RAB3GAP1: variants seen among roughly 807,000 people sequenced by gnomAD.
RAB3GAP1 encodes RAB3 GTPase activating protein catalytic subunit 1, also known as rab3 GTPase-activating protein catalytic subunit.
In RAB3GAP1, 86 loss-of-function variants were observed where a neutral mutation model predicts 130.7. That is an observed-to-expected ratio of 0.66 (90% CI 0.55 to 0.79). The LOEUF is 0.79. Ranked by LOEUF, RAB3GAP1 falls within the 30% of genes least tolerant of loss-of-function variation. The pLI is 0.00. For missense variants in RAB3GAP1, 1,029 were observed against 1,169.4 expected (o/e 0.88, Z 1.75); for synonymous variants, 367 against 401.7 (o/e 0.91, Z 1.03).
chr2:135,168,834 A>AGGGAGGGAAGGTACCAGGGAGAACCT lies in RAB3GAP1; in HGVS notation c.*60_*85dup. The AGGGAGGGAAGGTACCAGGGAGAACCT allele has an allele frequency of 6.7e-7, 1 of 1,494,892 alleles. No homozygotes were observed. Among genetic ancestry groups the AGGGAGGGAAGGTACCAGGGAGAACCT allele is most frequent in the South Asian group, 1.1e-5 (1 of 88,468 alleles). 92.6% of individuals were successfully genotyped at this position (1,494,892 alleles called of 1,614,324 possible). On this transcript the variant is annotated 3_prime_UTR_variant, in exon 24 of 24. Transcript: ENST00000264158. ...TCAGAGACAGTGCTGCCTCCTCCTG[A>AGGGAGGGAAGGTACCAGGGAGAACCT]GGGAGGGAAGGTACCAGGGAGAACC...
chr2:135,155,451 A>G (rs886995124), intron 19 of RAB3GAP1, among the ~76,000 whole-genome samples: 1 of 152,144 alleles, frequency 6.6e-6, no homozygotes, highest in Admixed American at 6.6e-5. Flanking sequence ...GAATACTAAG[A>G]CAGAACTAAT....
At chr2:135,090,585 TA>T (rs112252561) in intron 3 of RAB3GAP1, among the ~76,000 whole-genome samples, 22,778 of 152,180 alleles carry the variant, frequency 0.15, 3,205 homozygotes, top group African/African-American at 0.37. Context: ...CAAAGCTTGA[TA>T]AAAGAAGCAG....
chr2:135,127,522 T>C (rs1691390000), intron 11 of RAB3GAP1, among the ~76,000 whole-genome samples: 1 of 151,900 alleles, frequency 6.6e-6, no homozygotes, highest in Non-Finnish European at 1.5e-5. Context: ...TTTTGTGTTT[T>C]TAGTAGAGAC....
At chr2:135,058,183 T>C in intron 3 of RAB3GAP1, 97 bp downstream of exon 3, 1 of 1,049,572 alleles carries the variant, frequency 9.5e-7, no homozygotes, top group South Asian at 1.3e-5. Context: ...ATTAAATGTT[T>C]TTTAAAGTTA....
chr2:135,071,314 A>G (rs1439238192), intron 3 of RAB3GAP1, among the ~76,000 whole-genome samples: 1 of 152,168 alleles, frequency 6.6e-6, no homozygotes, highest in Non-Finnish European at 1.5e-5. Flanking sequence ...TATTATGCTA[A>G]TCCTAATCAG....
At chr2:135,130,528 T>C in intron 12 of RAB3GAP1, 24 bp from the exon 13 acceptor site, 1 of 1,589,046 alleles carries the variant, frequency 6.3e-7, no homozygotes, top group Non-Finnish European at 8.6e-7. Context: ...ATATAATTTA[T>C]ATTTATTTCT....
At chr2:135,134,099 C>T (rs1388151024) in intron 15 of RAB3GAP1, 66 bp downstream of exon 15, 2 of 1,573,884 alleles carry the variant, frequency 1.3e-6, no homozygotes, top group Non-Finnish European at 1.7e-6. Flanking sequence ...TGACTTTTGA[C>T]CTATTTTTTC....
chr2:135,119,519 T>C (rs1288242812), intron 7 of RAB3GAP1, among the ~76,000 whole-genome samples: 1 of 152,322 alleles, frequency 6.6e-6, no homozygotes, highest in African/African-American at 2.4e-5. Context: ...TGCTCCTTAT[T>C]ATAGGTGAAT....
chr2:135,084,068 A>C (rs1344355775), intron 3 of RAB3GAP1, among the ~76,000 whole-genome samples: 6 of 152,054 alleles, frequency 3.9e-5, no homozygotes, highest in Non-Finnish European at 8.8e-5. Flanking sequence ...AACATGGTGA[A>C]ACCCTGTCTC....
chr2:135,130,762 C>A, intron 13 of RAB3GAP1, 41 bp downstream of exon 13: 1 of 1,546,052 alleles, frequency 6.5e-7, no homozygotes, highest in South Asian at 1.1e-5. Context: ...TATGCAGAAT[C>A]ATTTATTCAT....
intron 5 of RAB3GAP1, 23 bp from the exon 6 acceptor site, chr2:135,113,126 TAA>T: frequency 6.2e-7 from 1 of 1,614,098 alleles, no homozygotes; most frequent in Non-Finnish European, 8.5e-7. Flanking sequence ...TTCCCCTGTT[TAA>T]TGCAGTTAAT....
intron 3 of RAB3GAP1, among the ~76,000 whole-genome samples, chr2:135,062,870 A>G (rs947317831): frequency 6.6e-6 from 1 of 152,208 alleles, no homozygotes; most frequent in Non-Finnish European, 1.5e-5. Flanking sequence ...TTGTATGTTA[A>G]CTTTGTGTCA....
chr2:135,065,832 G>A (rs531186527), intron 3 of RAB3GAP1, among the ~76,000 whole-genome samples: 4 of 146,530 alleles, frequency 2.7e-5, no homozygotes, highest in South Asian at 2.1e-4. Flanking sequence ...GTGCAGTTGC[G>A]CGATCTCGGC....
At chr2:135,161,687 C>T (rs927070014) in intron 19 of RAB3GAP1, among the ~76,000 whole-genome samples, 1 of 151,672 alleles carries the variant, frequency 6.6e-6, no homozygotes, top group Non-Finnish European at 1.5e-5. Context: ...ACTCTCTAAG[C>T]CAAAAAAAAG....
At chr2:135,154,918 G>T (rs1401472574) in intron 19 of RAB3GAP1, among the ~76,000 whole-genome samples, 2 of 152,112 alleles carry the variant, frequency 1.3e-5, no homozygotes, top group Non-Finnish European at 2.9e-5. Flanking sequence ...TCAGAAGAGG[G>T]CACTTTGAAG....
intron 3 of RAB3GAP1, among the ~76,000 whole-genome samples, chr2:135,082,161 G>GAATGAATGAATGAATAAATA (rs138937070): frequency 1.6e-4 from 24 of 150,250 alleles, no homozygotes; most frequent in African/African-American, 5.5e-4. Flanking sequence ...ATGAATGAAT[G>GAATGAATGAATGAATAAATA]AATAAATAAA....
In RAB3GAP1 at chr2:135,134,139, T is replaced by C. The variant is rs1024120753; in HGVS notation, c.1499+106T>C. 1.6e-5 allele frequency: 20 copies of C among 1,276,774 alleles called. 1 individual carries two copies. Among genetic ancestry groups the C allele is most frequent in the Admixed American group, 8.9e-5 (5 of 56,350 alleles). The allele number at this position is 1,276,774 out of a possible 1,614,324, so 79.1% of individuals were successfully genotyped here. A position where few individuals can be genotyped will look rare whatever the true frequency, so the allele number is the denominator to read the frequency against. ...TTCTAGGAAGTCTGCCCTAAGAAAG[T>C]GGCAAGAAGCTTAGACATGATTTAT... On this transcript the variant is annotated intron_variant, in intron 15 of 23. Coordinates refer to ENST00000264158, the MANE Select transcript of RAB3GAP1 (RefSeq NM_012233.3).
intron 19 of RAB3GAP1, among the ~76,000 whole-genome samples, chr2:135,155,850 G>T (rs1448052527): frequency 6.6e-6 from 1 of 152,032 alleles, no homozygotes; most frequent in African/African-American, 2.4e-5. Flanking sequence ...AAATGAAAAG[G>T]AGAGAGTGTA....
intron 8 of RAB3GAP1, among the ~76,000 whole-genome samples, chr2:135,123,382 A>G (rs2104931864): frequency 6.6e-6 from 1 of 152,326 alleles, no homozygotes; most frequent in South Asian, 2.1e-4. Context: ...CAAGTAATTG[A>G]TTCATATTTG....
Sources: gnomAD v4.1 joint callset for allele counts (sites outside exome capture counted in the v4.1 genomes callset) on GRCh38, gnomAD v4.1.1 for gene constraint, MANE v1.5 for transcripts, NCBI Gene and HGNC (gene_info 2026-07-23, HGNC 2026-07-21) for gene names.